The following OTUD7A variants were observed in gnomAD, a reference collection of about 807,000 sequenced individuals.
OTUD7A encodes the protein OTU deubiquitinase 7A.
A neutral mutation model predicts 65.7 loss-of-function variants in OTUD7A; 12 were observed. That is an observed-to-expected ratio of 0.18 (90% CI 0.12 to 0.30). The LOEUF (loss-of-function observed/expected upper bound fraction) is 0.30. Among genes scored for constraint, OTUD7A ranks in the 10% least tolerant of loss-of-function variants. The probability of loss-of-function intolerance (pLI) is 1.00; values close to 1 mark genes in which losing one functional copy is unlikely to be tolerated. For missense variants in OTUD7A, 1,148 were observed against 1,304.8 expected (o/e 0.88, Z 1.85); for synonymous variants, 641 against 586.3 (o/e 1.09, Z -1.35).
intron 1 of OTUD7A, among the ~76,000 whole-genome samples, chr15:31,731,660 T>C (rs1299985564): frequency 6.6e-6 from 1 of 152,088 alleles, no homozygotes; most frequent in Non-Finnish European, 1.5e-5. Context: ...ACCCGTGGAG[T>C]GTACAACAGC....
chr15:31,713,333 A>G (rs183449654), intron 1 of OTUD7A, among the ~76,000 whole-genome samples: 14 of 152,306 alleles, frequency 9.2e-5, no homozygotes, highest in African/African-American at 3.4e-4. Flanking sequence ...GAAATGGTAA[A>G]GTACGCTGGG....
chr15:31,707,899 T>C (rs1893343743), intron 1 of OTUD7A, among the ~76,000 whole-genome samples: 1 of 152,146 alleles, frequency 6.6e-6, no homozygotes, highest in Non-Finnish European at 1.5e-5. Flanking sequence ...GTCATACTTC[T>C]TGCTTTTGGT....
Position 31,484,374 on chromosome 15 carries a change from C to T in OTUD7A, c.1722G>A (p.Ser574=). ...CAGACTCCTCCTTGCTGCCCTTGCG[C>T]GACTTGGCCTTCTTCTCCTTGCCCC... ...AERGKEKKAK[S]RKGSKEESGA... is the part of the protein sequence containing the mutation. Residue 574 remains serine (S), a synonymous_variant, in exon 13 of 13, where the codon TCG becomes TCA. Transcript: ENST00000307050. The surrounding 1 kb of genome is among the most constrained non-coding windows in gnomAD (Gnocchi z 4.5). The T allele has an allele frequency of 5.0e-6, 8 of 1,601,178 alleles. No individual in the cohort carries two copies. The highest frequency in any genetic ancestry group is 6.8e-6 in the Non-Finnish European group (8 of 1,179,706).
At chr15:31,734,373 T>A (rs1358983422) in intron 1 of OTUD7A, among the ~76,000 whole-genome samples, 1 of 152,156 alleles carries the variant, frequency 6.6e-6, no homozygotes, top group African/African-American at 2.4e-5. Context: ...TAAACTACCA[T>A]TGAGATTCTT....
At chr15:31,845,475 G>A (rs1382623763) in intron 1 of OTUD7A, among the ~76,000 whole-genome samples, 3 of 152,174 alleles carry the variant, frequency 2.0e-5, no homozygotes, top group Non-Finnish European at 2.9e-5. Flanking sequence ...CATCTCTCTC[G>A]TCCTCTGTGA....
In OTUD7A at chr15:31,722,510, T is replaced by C. The variant is rs1893768227; in HGVS notation, c.-99-65433A>G. Among the ~76,000 whole-genome samples, 3 of 152,212 alleles carry C rather than the reference T, an allele frequency of 2.0e-5. No individual in the cohort carries two copies. The South Asian group carries it at 6.2e-4, about 32-fold the overall frequency. On this transcript the variant is annotated intron_variant, in intron 1 of 12. Coordinates refer to ENST00000307050, the MANE Select transcript of OTUD7A (RefSeq NM_001382637.1). Reference sequence around the variant, plus strand: ...CTCCTGAATGCACTGCCAGTTTCAATGCACAGCCACGTGGCATGGAGTGAC... The same window carrying C: ...CTCCTGAATGCACTGCCAGTTTCAACGCACAGCCACGTGGCATGGAGTGAC...
intron 1 of OTUD7A, among the ~76,000 whole-genome samples, chr15:31,811,072 C>A (rs1219749074): frequency 6.6e-6 from 1 of 152,176 alleles, no homozygotes; most frequent in Non-Finnish European, 1.5e-5. Context: ...GCAGTGAGAA[C>A]AAACATTATA....
intron 1 of OTUD7A, among the ~76,000 whole-genome samples, chr15:31,856,161 T>C (rs1302296776): frequency 6.6e-6 from 1 of 152,258 alleles, no homozygotes; most frequent in Non-Finnish European, 1.5e-5. Context: ...ACTGAGTACT[T>C]TTTTAGTTAA....
Position 31,770,076 on chromosome 15 carries a change from A to G in OTUD7A, c.-100+100431T>C, listed in dbSNP as rs141054296. The stretch of plus-strand genomic sequence containing the variant: ...AAAAAAGCAAGCTAAACACAAAAGC[A>G]GAACAATGAAAACAACGAAGACCAG... On this transcript the variant is annotated intron_variant, in intron 1 of 12. Transcript: ENST00000307050. Among the ~76,000 whole-genome samples, 190 of 152,360 alleles carry G rather than the reference A, an allele frequency of 1.2e-3. 1 individual carries two copies. The East Asian group carries it at 0.03, about 24-fold the overall frequency.
In OTUD7A at chr15:31,553,323, T is replaced by A. The variant is rs530129809; in HGVS notation, c.550+5646A>T. ...CAGCCTGAGTCTTTGGAAAGCTTGT[T>A]TTCTGTCCATGCTCCAGACAAGTGT... On this transcript the variant is annotated intron_variant, in intron 5 of 12. Transcript: ENST00000307050. Among the ~76,000 whole-genome samples the A allele has an allele frequency of 2.6e-5, 4 of 152,118 alleles. No homozygotes were observed. In the South Asian group the frequency reaches 8.3e-4, roughly 32 times the overall value.
intron 1 of OTUD7A, among the ~76,000 whole-genome samples, chr15:31,695,066 C>T (rs1412021346): frequency 3.9e-5 from 6 of 152,248 alleles, no homozygotes; most frequent in East Asian, 1.9e-4. Context: ...AGGATGGTCT[C>T]GATCCCCTGA....
rs1311219109 is a variant in OTUD7A at position 31,483,168 on chromosome 15, C to T, written c.*126G>A. 5.7e-5 allele frequency: 52 copies of T among 907,032 alleles called. No homozygotes were observed. Among genetic ancestry groups the T allele is most frequent in the Non-Finnish European group, 6.7e-5 (50 of 749,738 alleles). The allele number at this position is 907,032 out of a possible 1,614,324, so 56.2% of individuals were successfully genotyped here. On this transcript the variant is annotated 3_prime_UTR_variant, in exon 13 of 13. Transcript: ENST00000307050. ...ACCATTAGGAACGTTTGACCAAACA[C>T]GTACACGGCACTGACAGAGGAGGCG...
chr15:31,607,186 T>G (rs925491635), intron 3 of OTUD7A, among the ~76,000 whole-genome samples: 36 of 152,314 alleles, frequency 2.4e-4, no homozygotes, highest in African/African-American at 8.7e-4. Flanking sequence ...ATATTGCCAG[T>G]GACAAAAGCA....
rs2041114954 is a variant in OTUD7A at position 31,481,281 on chromosome 15, ATCTTT to A, written c.*2008_*2012del. The A allele has an allele frequency of 2.0e-5, 3 of 152,202 alleles. No individual in the cohort carries two copies. The South Asian group carries it at 6.2e-4, about 32-fold the overall frequency. The allele number at this position is 152,202 out of a possible 1,614,324, so 9.4% of individuals were successfully genotyped here. A position where few individuals can be genotyped will look rare whatever the true frequency, so the allele number is the denominator to read the frequency against. On this transcript the variant is annotated 3_prime_UTR_variant, in exon 13 of 13. Coordinates refer to ENST00000307050, the MANE Select transcript of OTUD7A (RefSeq NM_001382637.1). ...AGCATTTTTAAGGTTGGGTGTCTCA[ATCTTT>A]TAAGAGTGACGAGCATGAGGAGTGG... is the stretch of plus-strand genomic sequence containing the variant.
intron 1 of OTUD7A, among the ~76,000 whole-genome samples, chr15:31,719,273 T>A (rs1032716739): frequency 6.6e-6 from 1 of 151,886 alleles, no homozygotes; most frequent in African/African-American, 2.4e-5. Context: ...CCTCCTTCAT[T>A]GTTGGCTCCA....
At chr15:31,519,569 C>G (rs949487265) in intron 8 of OTUD7A, among the ~76,000 whole-genome samples, 1 of 152,194 alleles carries the variant, frequency 6.6e-6, no homozygotes, top group Non-Finnish European at 1.5e-5. Context: ...AAGTTGAAAG[C>G]TTTTCCTCTA....
intron 1 of OTUD7A, among the ~76,000 whole-genome samples, chr15:31,709,315 C>G (rs1373384676): frequency 2.6e-5 from 4 of 152,224 alleles, no homozygotes; most frequent in African/African-American, 7.2e-5. Flanking sequence ...AGGGCAGGAA[C>G]TCCATGAGAT....
At chr15:31,868,833 T>G (rs1304307511) in intron 1 of OTUD7A, among the ~76,000 whole-genome samples, 1 of 152,190 alleles carries the variant, frequency 6.6e-6, no homozygotes, top group African/African-American at 2.4e-5. Flanking sequence ...ACTAAAGGCC[T>G]AAGTAACCAC....
At chr15:31,565,977 G>A (rs1174447517) in intron 4 of OTUD7A, among the ~76,000 whole-genome samples, 1 of 152,172 alleles carries the variant, frequency 6.6e-6, no homozygotes, top group East Asian at 1.9e-4. Context: ...TGGATCACAA[G>A]GTCAGGAGAT....
Sources: gnomAD v4.1 joint callset for allele counts (sites outside exome capture counted in the v4.1 genomes callset) on GRCh38, gnomAD v4.1.1 for gene constraint, Gnocchi (gnomAD v3.1) non-coding constraint, MANE v1.5 for transcripts, NCBI Gene and HGNC (gene_info 2026-07-23, HGNC 2026-07-21) for gene names.